Variants in BLK observed in about 807,000 individuals in gnomAD.
BLK encodes BLK proto-oncogene, Src family tyrosine kinase, also known as tyrosine-protein kinase Blk.
A neutral mutation model predicts 61.8 loss-of-function variants in BLK; 64 were observed. The ratio of observed to expected loss-of-function variants is 1.03; its 90% CI spans 0.85 to 1.27. The LOEUF is 1.27. Ranked by LOEUF, BLK falls within the 50% of genes most tolerant of loss-of-function variation. The probability of loss-of-function intolerance (pLI) is 0.00; values close to 1 mark genes in which losing one functional copy is unlikely to be tolerated. For synonymous variants in BLK, 351 were observed against 272.0 expected, an observed-to-expected ratio of 1.29 and a Z score of -2.86; for missense variants, 853 against 660.5, an observed-to-expected ratio of 1.29 and a Z score of -3.19.
intron 5 of BLK, chr8:11,549,929 G>T: frequency 3.5e-6 from 2 of 568,846 alleles, no homozygotes; most frequent in Non-Finnish European, 6.3e-6. Context: ...TTCTTGTTTC[G>T]TTCTAGGAAA....
intron 1 of BLK, among the ~76,000 whole-genome samples, chr8:11,508,246 A>G (rs1798860309): frequency 6.6e-6 from 1 of 152,204 alleles, no homozygotes; most frequent in Non-Finnish European, 1.5e-5. Flanking sequence ...CGCGAAGGCT[A>G]AGCACATGCT....
chr8:11,563,705 C>A (rs929068523), intron 12 of BLK, among the ~76,000 whole-genome samples, 198 bp from the exon 13 acceptor site: 2 of 152,238 alleles, frequency 1.3e-5, no homozygotes, highest in African/African-American at 4.8e-5. Flanking sequence ...TCTAGGCATT[C>A]CCCAGGCAAT....
intron 1 of BLK, among the ~76,000 whole-genome samples, chr8:11,531,483 T>C (rs1371933757): frequency 1.3e-5 from 2 of 152,236 alleles, no homozygotes; most frequent in African/African-American, 4.8e-5. Flanking sequence ...TCTAAGAATA[T>C]AATGTACCTC....
intron 10 of BLK, chr8:11,560,721 G>A (rs1179493272): frequency 3.3e-5 from 13 of 391,822 alleles, no homozygotes; most frequent in Non-Finnish European, 5.2e-6. Context: ...CCCCCACGGG[G>A]CAGGCGCTGG....
At chr8:11,517,425 G>T (rs1024302399) in intron 1 of BLK, among the ~76,000 whole-genome samples, 1 of 152,210 alleles carries the variant, frequency 6.6e-6, no homozygotes, top group Admixed American at 6.5e-5. Flanking sequence ...ACAGCACTTG[G>T]TGACATTGTC....
chr8:11,520,658 C>G (rs77169032), intron 1 of BLK, among the ~76,000 whole-genome samples: 189 of 152,142 alleles, frequency 1.2e-3, no homozygotes, highest in African/African-American at 4.2e-3. Flanking sequence ...AAGTGAGAGA[C>G]GCCTGCTAAC....
At chr8:11,535,198 G>GGAAAGAAAGAAAGAAAGAGAGA (rs1800062270) in intron 1 of BLK, among the ~76,000 whole-genome samples, 1 of 79,162 alleles carries the variant, frequency 1.3e-5, no homozygotes, top group Admixed American at 1.2e-4. Context: ...AAAGAAAGAA[G>GGAAAGAAAGAAAGAAAGAGAGA]GAAAGAAAGA....
intron 2 of BLK, chr8:11,545,815 C>T (rs1800607495): frequency 3.5e-6 from 2 of 578,828 alleles, no homozygotes; most frequent in African/African-American, 1.9e-5. Context: ...CTCATATCCA[C>T]ATTGGGGCAT....
intron 1 of BLK, among the ~76,000 whole-genome samples, chr8:11,537,290 T>C (rs2117410825): frequency 6.6e-6 from 1 of 152,308 alleles, no homozygotes; most frequent in South Asian, 2.1e-4. Flanking sequence ...TTCTGGATGT[T>C]GGTGAGATGC....
At chr8:11,543,431 A>G (rs921109700) in intron 2 of BLK, 84 bp downstream of exon 2, 2 of 1,566,916 alleles carry the variant, frequency 1.3e-6, no homozygotes, top group African/African-American at 2.7e-5. Context: ...TGGGTATAGC[A>G]AAAGTGCCTT....
chr8:11,515,691 A>G (rs371666715), intron 1 of BLK, among the ~76,000 whole-genome samples: 5 of 152,056 alleles, frequency 3.3e-5, no homozygotes, highest in African/African-American at 1.2e-4. Context: ...ATATTGTATC[A>G]GTGCTTAAAA....
chr8:11,547,744 G>C (rs1384974837), intron 3 of BLK, among the ~76,000 whole-genome samples: 1 of 152,088 alleles, frequency 6.6e-6, no homozygotes. Context: ...CAGCCCGGCA[G>C]TGGCTGCCTC....
intron 5 of BLK, 23 bp downstream of exon 5, chr8:11,549,145 C>G: frequency 6.4e-7 from 1 of 1,569,194 alleles, no homozygotes. Flanking sequence ...GGGAACCCCC[C>G]TCGAGCCAAG....
At chr8:11,546,679 G>A (rs951728638) in intron 3 of BLK, among the ~76,000 whole-genome samples, 14 of 152,192 alleles carry the variant, frequency 9.2e-5, no homozygotes, top group African/African-American at 2.7e-4. Flanking sequence ...GGGTTCAAGA[G>A]ATTCTCCTGC....
chr8:11,521,037 T>A (rs772094185), intron 1 of BLK, among the ~76,000 whole-genome samples: 1 of 152,154 alleles, frequency 6.6e-6, no homozygotes, highest in Non-Finnish European at 1.5e-5. Flanking sequence ...AAAAAAGAAC[T>A]GAAACTGTAT....
chr8:11,526,992 G>T (rs532643862), intron 1 of BLK, among the ~76,000 whole-genome samples: 1 of 152,146 alleles, frequency 6.6e-6, no homozygotes, highest in East Asian at 1.9e-4. Context: ...GTGCTTGGGG[G>T]TCACACTCGG....
In BLK at chr8:11,549,008, C is replaced by T; in HGVS notation, c.270-16C>T. On this transcript the variant is annotated splice_polypyrimidine_tract_variant and intron_variant, in intron 4 of 12. Transcript: ENST00000259089. ...AGGGGCCATGATCTCATCTCTGTTT[C>T]CCCTGCTCCCATTAGAACTGGAGAC... 1.9e-6 allele frequency: 3 copies of T among 1,596,490 alleles called. No individual in the cohort carries two copies. Among genetic ancestry groups the T allele is most frequent in the East Asian group, 4.5e-5 (2 of 44,540 alleles).
intron 1 of BLK, among the ~76,000 whole-genome samples, chr8:11,496,663 C>A (rs1157622474): frequency 1.3e-5 from 2 of 152,210 alleles, no homozygotes; most frequent in Non-Finnish European, 2.9e-5. Flanking sequence ...ACAGGCCCAG[C>A]TACCCAGACC....
chr8:11,555,702 A>T, intron 8 of BLK: 1 of 718,390 alleles, frequency 1.4e-6, no homozygotes, highest in Non-Finnish European at 2.3e-6. Flanking sequence ...CAGAGCAGGA[A>T]CAGAATCCAG....
Sources: gnomAD v4.1 joint callset for allele counts (sites outside exome capture counted in the v4.1 genomes callset) on GRCh38, gnomAD v4.1.1 for gene constraint, MANE v1.5 for transcripts, NCBI Gene and HGNC (gene_info 2026-07-23, HGNC 2026-07-21) for gene names.